The following KIF4A variants were observed in gnomAD, a reference collection of about 807,000 sequenced individuals.
KIF4A encodes the protein chromosome-associated kinesin KIF4A.
KIF4A carries 7 observed loss-of-function variants against 105.9 expected under a neutral mutation model. The observed-to-expected ratio is 0.07, with a 90% CI of 0.04 to 0.12. The LOEUF (loss-of-function observed/expected upper bound fraction) is 0.12, where lower values mean the gene tolerates loss of function less well. Among genes scored for constraint, KIF4A ranks in the 10% least tolerant of loss-of-function variants. The pLI is 1.00. For synonymous variants in KIF4A, 281 were observed against 331.3 expected (o/e 0.85, Z 1.65); for missense variants, 558 against 929.2 (o/e 0.60, Z 5.19).
rs775509720 is a variant in KIF4A at position 70,400,540 on chromosome X, C to G, written c.2490-2026C>G. On this transcript the variant is annotated intron_variant, in intron 22 of 30. Transcript: ENST00000374403. ...AAAAGGCTATTAAAATACTCCTTTT[C>G]CCATCTGCATATTCATGTGAGGCCA... Among the ~76,000 whole-genome samples the G allele has an allele frequency of 4.5e-5, 5 of 111,342 alleles. No individual in the cohort carries two copies. The South Asian group carries it at 1.5e-3, about 34-fold the overall frequency.
chrX:70,420,047 C>T lies in KIF4A; in HGVS notation c.3496-15C>T. The T allele has an allele frequency of 8.3e-7, 1 of 1,205,746 alleles. No individual in the cohort carries two copies. The highest frequency in any genetic ancestry group is 1.1e-6 in the Non-Finnish European group (1 of 891,498). ...CTTTCTAAAGTCTATTCATACCTGT[C>T]TCTGTCCCTCCTAGATCCTGAAAGA... On this transcript the variant is annotated splice_polypyrimidine_tract_variant and intron_variant, in intron 30 of 30. Coordinates refer to ENST00000374403, the MANE Select transcript of KIF4A (RefSeq NM_012310.5).
chrX:70,406,108 T>C (rs2086299182), intron 26 of KIF4A, 151 bp from the exon 27 acceptor site: 2 of 521,917 alleles, frequency 3.8e-6, no homozygotes, highest in Non-Finnish European at 6.4e-6. Context: ...TTGTTGATAT[T>C]GGAAAGTGGG....
intron 7 of KIF4A, among the ~76,000 whole-genome samples, chrX:70,328,174 A>G (rs1301099941): frequency 2.7e-5 from 3 of 112,076 alleles, no homozygotes; most frequent in Non-Finnish European, 5.6e-5. Flanking sequence ...CTATAACAAA[A>G]TACCTTAGAC....
intron 10 of KIF4A, among the ~76,000 whole-genome samples, chrX:70,337,457 G>T (rs1602754612): frequency 3.6e-5 from 4 of 111,337 alleles, no homozygotes; most frequent in African/African-American, 1.3e-4. Flanking sequence ...GATTGCTTGA[G>T]CCCAGGAGTT....
At chrX:70,419,608 T>C (rs2086358308) in intron 29 of KIF4A, 53 bp from the exon 30 acceptor site, 1 of 1,202,270 alleles carries the variant, frequency 8.3e-7, no homozygotes. Context: ...AGCAGACTGA[T>C]TTTGTAAACC....
rs373105774 is a variant in KIF4A, at chrX:70,330,380, G to T, written c.1071+48G>T. ...TGGGAAAAATTACAAGTATGTGAGT[G>T]GAATGATAGAGCTTCTGTTTTCAGT... is the stretch of plus-strand genomic sequence containing the variant. On this transcript the variant is annotated intron_variant, in intron 9 of 30. Coordinates refer to ENST00000374403, the MANE Select transcript of KIF4A (RefSeq NM_012310.5). 4.8e-6 allele frequency: 5 copies of T among 1,047,121 alleles called. No individual in the cohort carries two copies. In the African/African-American group the frequency reaches 9.3e-5, roughly 19 times the overall value. 86.3% of individuals were successfully genotyped at this position (1,047,121 alleles called of 1,213,427 possible).
chrX:70,386,838 A>G (rs1343281722), intron 19 of KIF4A, 137 bp downstream of exon 19: 1 of 492,842 alleles, frequency 2.0e-6, no homozygotes, highest in Non-Finnish European at 3.5e-6. Context: ...CTAAATCTTG[A>G]TCACTGTTTA....
chrX:70,373,546 A>ATACATATATACGTG (rs2086153127), intron 15 of KIF4A, among the ~76,000 whole-genome samples: 1 of 41,844 alleles, frequency 2.4e-5, no homozygotes, highest in African/African-American at 1.2e-4. Context: ...ATATATATAT[A>ATACATATATACGTG]TATATATATA....
chrX:70,384,638 C>T (rs1032525763), intron 18 of KIF4A, among the ~76,000 whole-genome samples: 21 of 109,895 alleles, frequency 1.9e-4, no homozygotes, highest in Middle Eastern at 4.3e-3. Flanking sequence ...GCAGGAGAAT[C>T]GCTTGAACCC....
intron 15 of KIF4A, among the ~76,000 whole-genome samples, chrX:70,360,069 C>T (rs764536250): frequency 3.6e-5 from 4 of 111,463 alleles, no homozygotes; most frequent in Non-Finnish European, 5.6e-5. Flanking sequence ...TTGTGGCCCA[C>T]GTGCACCCGA....
Position 70,353,819 on chromosome X carries a change from C to G in KIF4A, c.1674+12C>G. 1 of 1,134,772 alleles carries G rather than the reference C, an allele frequency of 8.8e-7. No homozygotes were observed. The highest frequency in any genetic ancestry group is 1.2e-6 in the Non-Finnish European group (1 of 848,885). The allele number at this position is 1,134,772 out of a possible 1,213,427, so 93.5% of individuals were successfully genotyped here. On this transcript the variant is annotated intron_variant, in intron 15 of 30. Transcript: ENST00000374403. Reference sequence around the variant, plus strand: ...AGTACCAATACCAGGTAAACTATTTCCTAGGGCAGTATTTGTTCATGTCTA... The same window carrying G: ...AGTACCAATACCAGGTAAACTATTTGCTAGGGCAGTATTTGTTCATGTCTA...
chrX:70,418,371 G>C (rs763615781), intron 29 of KIF4A, among the ~76,000 whole-genome samples: 109 of 111,834 alleles, frequency 9.7e-4, no homozygotes, highest in African/African-American at 3.3e-3. Context: ...AACTGGAACT[G>C]TAAGAGCCAC....
chrX:70,353,601 A>G (rs1186988083), intron 14 of KIF4A, 21 bp from the exon 15 acceptor site: 2 of 1,193,797 alleles, frequency 1.7e-6, no homozygotes, highest in Non-Finnish European at 2.3e-6. Context: ...CTTATAAATC[A>G]TTATCCTGAT....
intron 7 of KIF4A, among the ~76,000 whole-genome samples, chrX:70,326,747 G>T (rs2085912474): frequency 8.9e-6 from 1 of 111,862 alleles, no homozygotes; most frequent in African/African-American, 3.2e-5. Flanking sequence ...CCATCTTTGT[G>T]ATATATATTC....
chrX:70,393,861 CTTTCTTTCTTTT>C (rs2086248693), intron 20 of KIF4A, among the ~76,000 whole-genome samples: 2 of 3,217 alleles, frequency 6.2e-4, no homozygotes, highest in Non-Finnish European at 5.2e-3. Flanking sequence ...TTCTTTCTTT[CTTTCTTTCTTTT>C]TTTTTTTTTT....
Position 70,363,846 on chromosome X carries a change from C to A in KIF4A, c.1674+10039C>A, listed in dbSNP as rs1015729731. On this transcript the variant is annotated intron_variant, in intron 15 of 30. Coordinates refer to ENST00000374403, the MANE Select transcript of KIF4A (RefSeq NM_012310.5). Reference sequence around the variant, plus strand: ...ACTTCCACAATGGTTGAACTAGTTTCCAGTCCCACCAACAGTGTAAAAGTG... The same window carrying A: ...ACTTCCACAATGGTTGAACTAGTTTACAGTCCCACCAACAGTGTAAAAGTG... Among the ~76,000 whole-genome samples, 58 of 112,060 alleles carry A rather than the reference C, an allele frequency of 5.2e-4. 1 individual carries two copies. Among genetic ancestry groups the A allele is most frequent in the African/African-American group, 1.7e-3 (51 of 30,866 alleles).
At chrX:70,326,450 C>T (rs1466791645) in intron 7 of KIF4A, among the ~76,000 whole-genome samples, 1 of 112,025 alleles carries the variant, frequency 8.9e-6, no homozygotes, top group East Asian at 2.8e-4. Context: ...ACATTTCTCT[C>T]CTACCTCATT....
chrX:70,323,694 C>G (rs901502277), intron 7 of KIF4A, among the ~76,000 whole-genome samples: 2 of 111,288 alleles, frequency 1.8e-5, no homozygotes, highest in Non-Finnish European at 3.8e-5. Flanking sequence ...ACAAATCTGT[C>G]CATCTATCCA....
rs752565264 is a variant in KIF4A, at chrX:70,367,256, G to A, written c.1675-6895G>A. On this transcript the variant is annotated intron_variant, in intron 15 of 30. Transcript: ENST00000374403. ...GAGCATTTAGCCCGTTAACATTTAA[G>A]GTTAATATTGTTATGTGTGAATTTG... Among the ~76,000 whole-genome samples the A allele has an allele frequency of 5.5e-4, 61 of 111,338 alleles. 1 individual carries two copies. The highest frequency in any genetic ancestry group is 1.8e-3 in the African/African-American group (56 of 30,605).
Sources: gnomAD v4.1 joint callset for allele counts (sites outside exome capture counted in the v4.1 genomes callset) on GRCh38, gnomAD v4.1.1 for gene constraint, MANE v1.5 for transcripts, NCBI Gene and HGNC (gene_info 2026-07-23, HGNC 2026-07-21) for gene names.